The following CDK13 variants were observed in gnomAD, a reference collection of about 807,000 sequenced individuals.
CDK13 encodes cyclin-dependent kinase 13.
A neutral mutation model predicts 137.6 loss-of-function variants in CDK13; 40 were observed. That is an observed-to-expected ratio of 0.29 (90% CI 0.23 to 0.38). The LOEUF is 0.38. CDK13 is among the 10% of genes least tolerant of loss of function. The probability of loss-of-function intolerance (pLI) is 1.00; values close to 1 mark genes in which losing one functional copy is unlikely to be tolerated. For missense variants in CDK13, 1,704 were observed against 1,951.8 expected (o/e 0.87, Z 2.39); for synonymous variants, 869 against 760.1 (o/e 1.14, Z -2.36).
intron 7 of CDK13, among the ~76,000 whole-genome samples, chr7:40,054,341 A>C (rs1043784023): frequency 6.6e-6 from 1 of 152,206 alleles, no homozygotes. Flanking sequence ...GAAATATCTA[A>C]TGAGAAATCT....
chr7:40,025,264 C>T (rs939411677), intron 5 of CDK13, among the ~76,000 whole-genome samples: 3 of 152,168 alleles, frequency 2.0e-5, no homozygotes, highest in Admixed American at 6.5e-5. Context: ...ACATATTTAT[C>T]TGCAGTGGTA....
intron 7 of CDK13, among the ~76,000 whole-genome samples, chr7:40,058,456 T>G (rs1584050055): frequency 6.6e-6 from 1 of 151,584 alleles, no homozygotes; most frequent in South Asian, 2.1e-4. Context: ...ATTGCTTGAA[T>G]CCAGGAGGCA....
chr7:40,066,568 G>A (rs1786284053), intron 9 of CDK13: 1 of 152,206 alleles, frequency 6.6e-6, no homozygotes, highest in African/African-American at 2.4e-5. Context: ...TAGATACAGT[G>A]CTTTACAAAA....
chr7:39,955,002 T>A (rs1025606540), intron 1 of CDK13, among the ~76,000 whole-genome samples: 3 of 152,226 alleles, frequency 2.0e-5, no homozygotes, highest in Non-Finnish European at 4.4e-5. Context: ...TTGTCTTCAT[T>A]TGAATCTTCA....
intron 1 of CDK13, among the ~76,000 whole-genome samples, chr7:39,972,691 A>T (rs1022599001): frequency 6.6e-6 from 1 of 152,164 alleles, no homozygotes; most frequent in Admixed American, 6.5e-5. Flanking sequence ...TTGTATGGTT[A>T]TGCCACATTT....
rs558256893 is a variant in CDK13, at chr7:39,951,100, C to G, written c.459C>G (p.Ser153=). 5 of 1,248,996 alleles carry G rather than the reference C, an allele frequency of 4.0e-6. No homozygotes were observed. The highest frequency in any genetic ancestry group is 5.0e-6 in the Non-Finnish European group (5 of 997,628). 77.4% of individuals were successfully genotyped at this position (1,248,996 alleles called of 1,614,324 possible). Residue 153 remains serine, a synonymous_variant, in exon 1 of 14, where the codon TCC becomes TCG. Transcript: ENST00000181839. ...AATACGAGGATGTGAGCTCCCAGTC[C>G]GAGCAGGGGCTGCTGCTGGGGGGGG... ...LVEYEDVSSQ[S]EQGLLLGGAS...
chr7:39,979,184 T>G (rs975793133), intron 1 of CDK13, among the ~76,000 whole-genome samples: 13 of 151,628 alleles, frequency 8.6e-5, no homozygotes, highest in Non-Finnish European at 1.6e-4. Context: ...TAAAAAAGAC[T>G]AGTAACGTAG....
chr7:40,043,069 T>C (rs995598150), intron 5 of CDK13, among the ~76,000 whole-genome samples: 2 of 152,210 alleles, frequency 1.3e-5, no homozygotes, highest in Non-Finnish European at 2.9e-5. Context: ...TGAGCTACCA[T>C]GCGCAGCCAT....
chr7:40,047,944 C>T (rs1785786828), intron 7 of CDK13, 67 bp downstream of exon 7: 2 of 946,486 alleles, frequency 2.1e-6, no homozygotes, highest in African/African-American at 1.6e-5. Flanking sequence ...ACTAAGAATA[C>T]CTTATTGATA....
chr7:39,951,865 G>C lies in CDK13; in HGVS notation c.1211+13G>C. 7.4e-7 allele frequency: 1 copy of C among 1,353,510 alleles called. No individual in the cohort carries two copies. Among genetic ancestry groups the C allele is most frequent in the Non-Finnish European group, 9.5e-7 (1 of 1,051,506 alleles). The allele number at this position is 1,353,510 out of a possible 1,614,324, so 83.8% of individuals were successfully genotyped here. On this transcript the variant is annotated intron_variant, in intron 1 of 13. Coordinates refer to ENST00000181839, the MANE Select transcript of CDK13 (RefSeq NM_003718.5). The stretch of plus-strand genomic sequence containing the variant: ...GCCCTGTGCTCAGGTGAGTTCTGCC[G>C]TTCTGCCTGTGTGTGCCTTGGCTGC...
intron 6 of CDK13, among the ~76,000 whole-genome samples, chr7:40,046,671 C>T (rs1785748436): frequency 6.7e-6 from 1 of 150,228 alleles, no homozygotes; most frequent in Non-Finnish European, 1.5e-5. Flanking sequence ...AAATAATCAA[C>T]AATATTATAA....
intron 7 of CDK13, chr7:40,061,288 C>T (rs1320629345): frequency 6.6e-6 from 1 of 152,158 alleles, no homozygotes; most frequent in Admixed American, 6.5e-5. Context: ...TCATCTTATT[C>T]TGTCCTCTTT....
intron 5 of CDK13, among the ~76,000 whole-genome samples, chr7:40,043,332 G>T (rs1785656385): frequency 1.3e-5 from 2 of 152,078 alleles, no homozygotes; most frequent in Non-Finnish European, 2.9e-5. Flanking sequence ...CCACTGTTCT[G>T]TCAGTCCCTA....
chr7:39,999,592 AAAATT>A (rs2116318785), intron 4 of CDK13, 92 bp downstream of exon 4: 3 of 1,251,522 alleles, frequency 2.4e-6, no homozygotes, highest in Non-Finnish European at 3.3e-6. Context: ...AATTTTCCAA[AAAATT>A]AAATTCAATT....
At position 39,950,331 on chromosome 7, in the gene CDK13, C is replaced by A. The variant is rs750944140; in HGVS notation, c.-311C>A. The stretch of plus-strand genomic sequence containing the variant: ...CACCCCCGGGGGCACTTGGAGGACT[C>A]GGGACTCCCCCGCAGGTCAGCGCCC... On this transcript the variant is annotated 5_prime_UTR_variant, in exon 1 of 14. Transcript: ENST00000181839. The A allele has an allele frequency of 1.7e-5, 19 of 1,145,264 alleles. No homozygotes were observed. In the Admixed American group the frequency reaches 7.1e-4, roughly 43 times the overall value. 70.9% of individuals were successfully genotyped at this position (1,145,264 alleles called of 1,614,324 possible).
chr7:39,997,135 A>G (rs1426326672), intron 2 of CDK13, among the ~76,000 whole-genome samples: 1 of 152,148 alleles, frequency 6.6e-6, no homozygotes, highest in East Asian at 1.9e-4. Flanking sequence ...AAAAATTATG[A>G]AGATACTACA....
rs1049147211 is a variant in CDK13 at position 40,091,342 on chromosome 7, C to G, written c.3236-1443C>G. On this transcript the variant is annotated intron_variant, in intron 12 of 13. Transcript: ENST00000181839. ...CAGCCTGGGCCACAGGGCGAGACTC[C>G]GTCTCAAAAAAAATAAATAAATAAA... 6.7e-5 allele frequency among the ~76,000 whole-genome samples: 10 copies of G among 148,182 alleles called. No individual in the cohort carries two copies. In the Admixed American group the frequency reaches 6.7e-4, roughly 10 times the overall value.
Position 40,085,293 on chromosome 7 carries a change from G to A in CDK13, c.3030-2833G>A, listed in dbSNP as rs547223543. Among the ~76,000 whole-genome samples, 9 of 152,046 alleles carry A rather than the reference G, an allele frequency of 5.9e-5. No individual in the cohort carries two copies. In the South Asian group the frequency reaches 1.9e-3, roughly 32 times the overall value. The stretch of plus-strand genomic sequence containing the variant: ...GGAGAATTGCTTGAACCTGGGAGGC[G>A]GAGGTTGGAGTGAGCCGGGATAGCA... On this transcript the variant is annotated intron_variant, in intron 11 of 13. Transcript: ENST00000181839.
chr7:40,092,649 G>T (rs1211392886), intron 12 of CDK13, 136 bp from the exon 13 acceptor site: 12 of 635,694 alleles, frequency 1.9e-5, no homozygotes, highest in Non-Finnish European at 3.0e-5. Flanking sequence ...TAGACTTGAG[G>T]TTCTCTTTTT....
Sources: gnomAD v4.1 joint callset for allele counts (sites outside exome capture counted in the v4.1 genomes callset) on GRCh38, gnomAD v4.1.1 for gene constraint, MANE v1.5 for transcripts, NCBI Gene and HGNC (gene_info 2026-07-23, HGNC 2026-07-21) for gene names.